Variants in BTBD1 observed in about 807,000 individuals in gnomAD.
BTBD1 encodes BTB/POZ domain-containing protein 1.
Under a neutral mutation model 48.0 loss-of-function variants are expected in BTBD1, and 34 were observed. The observed-to-expected ratio is 0.71, with a 90% CI of 0.54 to 0.94. The LOEUF (loss-of-function observed/expected upper bound fraction) is 0.94. Among genes scored for constraint, BTBD1 ranks in the 40% least tolerant of loss-of-function variants. The pLI is 0.00. For synonymous variants in BTBD1, 261 were observed against 242.1 expected, an observed-to-expected ratio of 1.08 and a Z score of -0.72; for missense variants, 543 against 625.6, an observed-to-expected ratio of 0.87 and a Z score of 1.41.
At chr15:83,066,289 G>A (rs2033268072) in intron 1 of BTBD1, among the ~76,000 whole-genome samples, 1 of 151,998 alleles carries the variant, frequency 6.6e-6, no homozygotes, top group African/African-American at 2.4e-5. Context: ...AACAGAGCAA[G>A]ACCTTGTCTC....
Position 83,067,099 on chromosome 15 carries a change from G to T in BTBD1, c.53C>A (p.Ala18Glu). The stretch of plus-strand genomic sequence containing the variant: ...CGGCGGCCCCGCGGGGCCCGGCTCC[G>T]CCTCAGCCCCCGACGCCTGCTCCCC... ...AAGEQASGAEAEPGPAGPPPP... is the reference protein window; with the variant it reads ...AAGEQASGAEEEPGPAGPPPP... Residue 18 changes from alanine (A) to glutamate (E), a missense_variant, in exon 1 of 8, where the codon GCG becomes GAG. By Grantham distance (107) the Ala-to-Glu change is moderately radical. This residue lies in a region of BTBD1 where 173 missense variants were observed against 163.9 expected (regional missense o/e 1.06). Transcript: ENST00000261721. The T allele has an allele frequency of 6.7e-7, 1 of 1,498,874 alleles. No homozygotes were observed. Among genetic ancestry groups the T allele is most frequent in the Non-Finnish European group, 8.8e-7 (1 of 1,131,678 alleles). 92.8% of individuals were successfully genotyped at this position (1,498,874 alleles called of 1,614,324 possible).
chr15:83,027,782 G>T (rs968523401), intron 5 of BTBD1, among the ~76,000 whole-genome samples: 1 of 152,204 alleles, frequency 6.6e-6, no homozygotes, highest in Non-Finnish European at 1.5e-5. Flanking sequence ...TAAAGAAAAC[G>T]TAAGTGGCAG....
chr15:83,057,015 G>A (rs2033098958), intron 1 of BTBD1, among the ~76,000 whole-genome samples: 1 of 152,048 alleles, frequency 6.6e-6, no homozygotes, highest in South Asian at 2.1e-4. Flanking sequence ...ATGAATACAG[G>A]GAATTAAAAG....
chr15:83,056,568 G>A, intron 1 of BTBD1, 23 bp from the exon 2 acceptor site: 1 of 1,603,702 alleles, frequency 6.2e-7, no homozygotes, highest in South Asian at 1.1e-5. Context: ...TGGCATATTT[G>A]CAGAGATGGT....
Position 83,067,162 on chromosome 15 carries a change from C to G in BTBD1, c.-11G>C, listed in dbSNP as rs2033299706. On this transcript the variant is annotated 5_prime_UTR_variant, in exon 1 of 8. Transcript: ENST00000261721. ...CCCGAGTGAGGCCATCCTCCAGCTG[C>G]GCGGTTGCCCACGTTATGGACAAAA... is the stretch of plus-strand genomic sequence containing the variant. The G allele has an allele frequency of 1.5e-5, 21 of 1,415,888 alleles. No homozygotes were observed. Among genetic ancestry groups the G allele is most frequent in the Non-Finnish European group, 1.9e-5 (21 of 1,089,980 alleles). 87.7% of individuals were successfully genotyped at this position (1,415,888 alleles called of 1,614,324 possible). A position where few individuals can be genotyped will look rare whatever the true frequency, so the allele number is the denominator to read the frequency against.
intron 2 of BTBD1, among the ~76,000 whole-genome samples, chr15:83,052,631 AT>A (rs35721041): frequency 0.28 from 36,399 of 132,332 alleles, 4,333 homozygotes; most frequent in Non-Finnish European, 0.3. Context: ...ATATCAACAG[AT>A]TTTTTTTTTT....
intron 3 of BTBD1, among the ~76,000 whole-genome samples, chr15:83,042,348 T>TTATATA (rs61294242): frequency 0.021 from 2,355 of 109,724 alleles, 130 homozygotes; most frequent in African/African-American, 0.047. Context: ...TTAGGCAATT[T>TTATATA]TATATATATA....
In BTBD1 at chr15:83,056,421, T is replaced by G. The variant is rs1378061802; in HGVS notation, c.526A>C (p.Arg176=). 4 of 1,613,666 alleles carry G rather than the reference T, an allele frequency of 2.5e-6. No homozygotes were observed. Among genetic ancestry groups the G allele is most frequent in the Non-Finnish European group, 3.4e-6 (4 of 1,179,596 alleles). The change falls in exon 2 of 8, where the codon AGG becomes CGG. Residue 176 remains arginine (R), a synonymous_variant. Coordinates refer to ENST00000261721, the MANE Select transcript of BTBD1 (RefSeq NM_025238.4). The stretch of plus-strand genomic sequence containing the variant: ...AGTAACATAAAGGCATTATCTGCCC[T>G]AAGATGTTTGGTGAGAAATTCTACA... ...HCVEFLTKHL[R]ADNAFMLLTQ...
rs761083571 is a variant in BTBD1 at position 83,067,090 on chromosome 15, C to T, written c.62G>A (p.Gly21Asp). The T allele has an allele frequency of 6.6e-7, 1 of 1,516,118 alleles. No individual in the cohort carries two copies. The highest frequency in any genetic ancestry group is 2.4e-5 in the Admixed American group (1 of 42,352). 93.9% of individuals were successfully genotyped at this position (1,516,118 alleles called of 1,614,324 possible). A position where few individuals can be genotyped will look rare whatever the true frequency, so the allele number is the denominator to read the frequency against. Reference protein sequence around the residue: ...EQASGAEAEPGPAGPPPPPSP... With the variant: ...EQASGAEAEPDPAGPPPPPSP... ...GGGCGGCGGCGGCGGCCCCGCGGGG[C>T]CCGGCTCCGCCTCAGCCCCCGACGC... The change falls in exon 1 of 8, where the codon GGC (glycine) becomes GAC (aspartate). Residue 21 changes from glycine to aspartate, a missense_variant. This residue lies in a region of BTBD1 where 173 missense variants were observed against 163.9 expected (regional missense o/e 1.06). Coordinates refer to ENST00000261721, the MANE Select transcript of BTBD1 (RefSeq NM_025238.4).
chr15:83,064,691 A>G (rs1390332899), intron 1 of BTBD1, among the ~76,000 whole-genome samples: 1 of 103,084 alleles, frequency 9.7e-6, no homozygotes, highest in East Asian at 2.6e-4. Context: ...ATTACGGTAT[A>G]TAATGAGGAT....
intron 5 of BTBD1, among the ~76,000 whole-genome samples, chr15:83,024,868 C>G (rs575321872): frequency 6.6e-6 from 1 of 152,136 alleles, no homozygotes; most frequent in South Asian, 2.1e-4. Context: ...TCCCAAAGTG[C>G]TGGGATTACA....
At chr15:83,043,388 AG>A (rs769940607) in intron 3 of BTBD1, among the ~76,000 whole-genome samples, 5 of 152,048 alleles carry the variant, frequency 3.3e-5, no homozygotes, top group Admixed American at 6.6e-5. Flanking sequence ...CTGTGGGGAG[AG>A]GGGGCAATCA....
At chr15:83,044,578 A>G (rs1334750842) in intron 3 of BTBD1, 5 of 1,597,036 alleles carry the variant, frequency 3.1e-6, no homozygotes, top group Admixed American at 1.7e-5. Flanking sequence ...CTGGGAGAGA[A>G]GTTTGAAGAA....
chr15:83,034,268 G>A (rs1163812276), intron 4 of BTBD1, among the ~76,000 whole-genome samples: 3 of 152,076 alleles, frequency 2.0e-5, no homozygotes, highest in Non-Finnish European at 2.9e-5. Context: ...AAAAGGATGA[G>A]AAAGATATAG....
chr15:83,056,356 A>G (rs1159646239), intron 2 of BTBD1, 33 bp downstream of exon 2: 1 of 1,529,378 alleles, frequency 6.5e-7, no homozygotes, highest in East Asian at 2.3e-5. Context: ...TTTTAAAACT[A>G]CAATGATACA....
At chr15:83,051,495 G>T (rs1045211231) in intron 2 of BTBD1, among the ~76,000 whole-genome samples, 3 of 148,978 alleles carry the variant, frequency 2.0e-5, no homozygotes, top group Non-Finnish European at 4.5e-5. Flanking sequence ...TATATTTTAA[G>T]TTTAAAACAT....
chr15:83,021,742 AAATAATAAT>A lies in BTBD1; in HGVS notation c.1056-989_1056-981del, dbSNP rs57670003. On this transcript the variant is annotated intron_variant, in intron 5 of 7. Transcript: ENST00000261721. ...GGGTGACAGAGCGAGACTCCTTCTCAAATAATAATAATAATAATAATAATAATACATATG... is the reference window on the plus strand; with the variant it reads ...GGGTGACAGAGCGAGACTCCTTCTCAAATAATAATAATAATAATACATATG... 5.5e-5 allele frequency among the ~76,000 whole-genome samples: 8 copies of A among 145,410 alleles called. No homozygotes were observed. The East Asian group carries it at 5.9e-4, about 11-fold the overall frequency.
chr15:83,065,700 T>C (rs1050334790), intron 1 of BTBD1, among the ~76,000 whole-genome samples: 1 of 152,220 alleles, frequency 6.6e-6, no homozygotes, highest in African/African-American at 2.4e-5. Context: ...GGCAAGATAC[T>C]TGACTCTTCT....
In BTBD1 at chr15:83,041,890, T is replaced by C; in HGVS notation, c.700A>G (p.Ser234Gly). 2 of 1,614,178 alleles carry C rather than the reference T, an allele frequency of 1.2e-6. No individual in the cohort carries two copies. The highest frequency in any genetic ancestry group is 2.2e-5 in the East Asian group (1 of 44,884). The change falls in exon 4 of 8, where the codon AGT (serine) becomes GGT (glycine). Residue 234 changes from serine (S) to glycine (G), a missense_variant. Ser to Gly is a moderately conservative substitution (Grantham distance 56, BLOSUM62 0). Around this residue, in one of 3 missense-constraint regions of BTBD1, gnomAD observed 300 missense variants for 350.0 expected, o/e 0.86. Transcript: ENST00000261721. ...CCAAAAAGTCGACTTTCTCGAATAC[T>C]GAGTGTGTCTCTCTCTAAAACTGCA... ...LCAVLERDTL[S>G]IRESRLFGAV...
Sources: allele counts gnomAD v4.1 joint callset (sites outside exome capture counted in the v4.1 genomes callset), GRCh38; gene constraint gnomAD v4.1.1; regional missense constraint gnomAD v4.1.1; transcripts MANE v1.5; gene names NCBI Gene and HGNC (gene_info 2026-07-23, HGNC 2026-07-21).